The following PPFIBP2 variants were observed in gnomAD, a reference collection of about 807,000 sequenced individuals.
PPFIBP2 encodes liprin-beta-2.
In PPFIBP2, 118 loss-of-function variants were observed where a neutral mutation model predicts 118.3. The ratio of observed to expected loss-of-function variants is 1.00; its 90% CI spans 0.86 to 1.16. The LOEUF (loss-of-function observed/expected upper bound fraction) is 1.16. PPFIBP2 is among the 50% of genes most tolerant of loss of function. PPFIBP2 has a pLI of 0.00. For synonymous variants in PPFIBP2, 414 were observed against 397.4 expected, an observed-to-expected ratio of 1.04 and a Z score of -0.50; for missense variants, 1,195 against 1,073.1, an observed-to-expected ratio of 1.11 and a Z score of -1.59.
At chr11:7,548,821 G>A (rs956353557) in intron 1 of PPFIBP2, among the ~76,000 whole-genome samples, 2 of 152,110 alleles carry the variant, frequency 1.3e-5, no homozygotes, top group Non-Finnish European at 2.9e-5. Context: ...ATCTAAGATG[G>A]TCAGTTATGG....
In PPFIBP2 at chr11:7,618,700, C is replaced by CT. The variant is rs1210042425; in HGVS notation, c.619-2225dup. Among the ~76,000 whole-genome samples the CT allele has an allele frequency of 1.2e-3, 185 of 148,224 alleles. 1 individual carries two copies. The highest frequency in any genetic ancestry group is 7.1e-3 in the East Asian group (36 of 5,068). On this transcript the variant is annotated intron_variant, in intron 6 of 23. Transcript: ENST00000299492. Reference sequence around the variant, plus strand: ...ACCTTAGCTGAGAAGTTTTCTTTTTCTTTTTTTTTTAGCTGGGATTACAGG... The same window carrying CT: ...ACCTTAGCTGAGAAGTTTTCTTTTTCTTTTTTTTTTTAGCTGGGATTACAGG...
chr11:7,543,865 CA>C (rs984830030), intron 1 of PPFIBP2, among the ~76,000 whole-genome samples: 3 of 152,170 alleles, frequency 2.0e-5, no homozygotes, highest in African/African-American at 7.2e-5. Context: ...AGAACACATA[CA>C]GATCTTGCTC....
chr11:7,648,879 A>G lies in PPFIBP2; in HGVS notation c.1877A>G (p.Lys626Arg). ...VKAINTKQEE[K>R]SALLDHIWVT... ...GCCATCAACACCAAACAGGAGGAGA[A>G]GTCTGCACTGCTAGACCACATTTGG... Residue 626 changes from lysine to arginine, a missense_variant, in exon 19 of 24, where the codon AAG becomes AGG. Lys to Arg is a conservative substitution (Grantham distance 26). Coordinates refer to ENST00000299492, the MANE Select transcript of PPFIBP2 (RefSeq NM_003621.5). 6.2e-7 allele frequency: 1 copy of G among 1,614,152 alleles called. No homozygotes were observed. Among genetic ancestry groups the G allele is most frequent in the Non-Finnish European group, 8.5e-7 (1 of 1,180,004 alleles).
At chr11:7,634,067 T>C (rs1851125256) in intron 12 of PPFIBP2, among the ~76,000 whole-genome samples, 1 of 152,100 alleles carries the variant, frequency 6.6e-6, no homozygotes, top group South Asian at 2.1e-4. Context: ...GGCTGGTTAA[T>C]GTGTTCATCT....
chr11:7,582,810 A>C (rs1857479924), intron 3 of PPFIBP2, among the ~76,000 whole-genome samples: 1 of 151,280 alleles, frequency 6.6e-6, no homozygotes, highest in Non-Finnish European at 1.5e-5. Flanking sequence ...ATCCTGTTTC[A>C]TGGGCCAGGA....
intron 1 of PPFIBP2, among the ~76,000 whole-genome samples, chr11:7,525,596 C>G (rs768291623): frequency 4.6e-5 from 7 of 152,154 alleles, no homozygotes; most frequent in Non-Finnish European, 7.3e-5. Context: ...AATCAGGTGG[C>G]TGGTCACCCA....
At chr11:7,577,558 C>A (rs1382543281) in intron 3 of PPFIBP2, 1 of 456,552 alleles carries the variant, frequency 2.2e-6, no homozygotes, top group Non-Finnish European at 4.4e-6. Flanking sequence ...CTTTTTCCAC[C>A]AAGGCATCTA....
intron 3 of PPFIBP2, among the ~76,000 whole-genome samples, chr11:7,567,580 G>T (rs1297358190): frequency 6.6e-6 from 1 of 152,224 alleles, no homozygotes; most frequent in Non-Finnish European, 1.5e-5. Context: ...ATTCCAAGTT[G>T]TAAGGGCTGC....
intron 3 of PPFIBP2, chr11:7,569,196 C>G (rs1855371252): frequency 6.6e-6 from 1 of 152,396 alleles, no homozygotes; most frequent in African/African-American, 2.4e-5. Context: ...GTAGCTGTTT[C>G]TTTGTGGTAG....
chr11:7,517,792 C>T (rs986702880), intron 1 of PPFIBP2, among the ~76,000 whole-genome samples: 7 of 152,104 alleles, frequency 4.6e-5, no homozygotes, highest in African/African-American at 1.4e-4. Context: ...TGGTAGTTGC[C>T]GGGGCATCCA....
chr11:7,575,479 A>G (rs761359950), intron 3 of PPFIBP2, among the ~76,000 whole-genome samples: 3 of 152,178 alleles, frequency 2.0e-5, no homozygotes, highest in Non-Finnish European at 4.4e-5. Flanking sequence ...AACCTAAGGA[A>G]GAGCACTGCA....
At position 7,649,315 on chromosome 11, in the gene PPFIBP2, T is replaced by C. The variant is rs953613557; in HGVS notation, c.1998+80T>C. On this transcript the variant is annotated intron_variant, in intron 20 of 23. Coordinates refer to ENST00000299492, the MANE Select transcript of PPFIBP2 (RefSeq NM_003621.5). ...TGTACCCATGGTGGTTATTTTAAAC[T>C]TGATTCCATATATTCTTAAGGCCTT... 6 of 1,379,102 alleles carry C rather than the reference T, an allele frequency of 4.4e-6. No homozygotes were observed. The East Asian group carries it at 1.4e-4, about 32-fold the overall frequency. The allele number at this position is 1,379,102 out of a possible 1,614,324, so 85.4% of individuals were successfully genotyped here.
chr11:7,586,431 C>T (rs1472001675), intron 3 of PPFIBP2, among the ~76,000 whole-genome samples: 2 of 152,152 alleles, frequency 1.3e-5, no homozygotes, highest in Non-Finnish European at 2.9e-5. Context: ...ATTTAAAAAT[C>T]ATTTCCATAT....
chr11:7,605,129 C>G (rs919834250), intron 5 of PPFIBP2, among the ~76,000 whole-genome samples: 6 of 152,156 alleles, frequency 3.9e-5, no homozygotes, highest in Non-Finnish European at 7.3e-5. Context: ...GAACAGTTTT[C>G]AAAGGTGAAA....
At chr11:7,659,163 T>A (rs368775505), downstream of PPFIBP2, among the ~76,000 whole-genome samples, 2 of 149,492 alleles carry the variant, frequency 1.3e-5, no homozygotes, top group South Asian at 2.1e-4. Context: ...ATCCCATTTG[T>A]CAATTTTGTC....
chr11:7,628,414 G>A, intron 9 of PPFIBP2, 68 bp downstream of exon 9: 2 of 1,402,386 alleles, frequency 1.4e-6, no homozygotes, highest in Non-Finnish European at 2.0e-6. Flanking sequence ...GGTCCCTGCT[G>A]GTCTCTGATA....
At chr11:7,621,372 A>T (rs1282282015) in intron 7 of PPFIBP2, among the ~76,000 whole-genome samples, 3 of 152,186 alleles carry the variant, frequency 2.0e-5, no homozygotes, top group Admixed American at 2.0e-4. Context: ...CAGATCTTGG[A>T]TGCATCATTT....
downstream of PPFIBP2, among the ~76,000 whole-genome samples, chr11:7,654,012 C>T (rs1854451845): frequency 1.3e-5 from 2 of 152,210 alleles, no homozygotes; most frequent in East Asian, 1.9e-4. Flanking sequence ...GTCTCATGCA[C>T]ATCCTGACCA....
Position 7,648,908 on chromosome 11 carries a change from A to G in PPFIBP2, c.1906A>G (p.Thr636Ala), listed in dbSNP as rs75225590. ...TGCACTGCTAGACCACATTTGGGTG[A>G]CAAGTAAGGATAGGCATATATGTAT... The part of the protein sequence containing the change: ...KSALLDHIWV[T>A]RWLDDIGLPQ... Residue 636 changes from threonine to alanine, a missense_variant, in exon 19 of 24, where the codon ACA becomes GCA. Coordinates refer to ENST00000299492, the MANE Select transcript of PPFIBP2 (RefSeq NM_003621.5). 2 of 1,611,792 alleles carry G rather than the reference A, an allele frequency of 1.2e-6. No individual in the cohort carries two copies. The highest frequency in any genetic ancestry group is 2.7e-5 in the African/African-American group (2 of 75,014).
Sources: gnomAD v4.1 joint callset for allele counts (sites outside exome capture counted in the v4.1 genomes callset) on GRCh38, gnomAD v4.1.1 for gene constraint, MANE v1.5 for transcripts, NCBI Gene and HGNC (gene_info 2026-07-23, HGNC 2026-07-21) for gene names.